The following CDH13 variants were observed in gnomAD, a reference collection of about 807,000 sequenced individuals.
The protein encoded by CDH13 is cadherin-13.
A neutral mutation model predicts 63.8 loss-of-function variants in CDH13; 24 were observed. The observed-to-expected ratio is 0.38, with a 90% confidence interval of 0.27 to 0.53. The LOEUF is 0.53. Among genes scored for constraint, CDH13 ranks in the 20% least tolerant of loss-of-function variants. CDH13 has a pLI of 0.85. For synonymous variants in CDH13, 503 were observed against 355.3 expected, an observed-to-expected ratio of 1.42 and a Z score of -4.67; for missense variants, 1,049 against 903.1, an observed-to-expected ratio of 1.16 and a Z score of -2.07.
At chr16:83,045,790 A>G (rs1402552291) in intron 3 of CDH13, among the ~76,000 whole-genome samples, 1 of 152,244 alleles carries the variant, frequency 6.6e-6, no homozygotes, top group Non-Finnish European at 1.5e-5. Context: ...GTAAAGAAAC[A>G]GGGGAAGAGG....
At chr16:82,727,303 C>T (rs547196364) in intron 1 of CDH13, among the ~76,000 whole-genome samples, 38 of 152,142 alleles carry the variant, frequency 2.5e-4, no homozygotes, top group Non-Finnish European at 2.2e-4. Flanking sequence ...GTGCCTTTAT[C>T]CTCTCCCATT....
At chr16:82,693,207 C>T (rs780610715) in intron 1 of CDH13, among the ~76,000 whole-genome samples, 1 of 152,168 alleles carries the variant, frequency 6.6e-6, no homozygotes, top group Non-Finnish European at 1.5e-5. Context: ...CCTTTTGAAG[C>T]ACCTTGAAGC....
chr16:82,729,220 A>G (rs1039893033), intron 1 of CDH13, among the ~76,000 whole-genome samples: 12 of 152,164 alleles, frequency 7.9e-5, no homozygotes, highest in African/African-American at 2.9e-4. Context: ...GAATATTTTT[A>G]ATGGCTTCTA....
chr16:83,054,496 C>G (rs77427913), intron 3 of CDH13, among the ~76,000 whole-genome samples: 2 of 152,122 alleles, frequency 1.3e-5, no homozygotes, highest in Non-Finnish European at 2.9e-5. Flanking sequence ...ATACACCGGA[C>G]AAAGCCATGA....
chr16:83,663,803 A>T (rs1333987370), intron 8 of CDH13, among the ~76,000 whole-genome samples: 1 of 152,180 alleles, frequency 6.6e-6, no homozygotes, highest in African/African-American at 2.4e-5. Flanking sequence ...TTAAAAATCA[A>T]GTCTCTGACA....
rs1179146532 is a variant in CDH13, at chr16:83,438,623, AC to A, written c.782-47853del. On this transcript the variant is annotated intron_variant, in intron 6 of 13. Coordinates refer to ENST00000567109, the MANE Select transcript of CDH13 (RefSeq NM_001257.5). Reference sequence around the variant, plus strand: ...GAGACATTATTTAAAAAGCAATAATACAAAATACCAAGAGCTATTCAGCTCT... The same window carrying A: ...GAGACATTATTTAAAAAGCAATAATAAAAATACCAAGAGCTATTCAGCTCT... Among the ~76,000 whole-genome samples the A allele has an allele frequency of 7.2e-5, 11 of 152,358 alleles. No individual in the cohort carries two copies. The East Asian group carries it at 1.2e-3, about 16-fold the overall frequency.
At chr16:83,707,638 A>G (rs537429118) in intron 10 of CDH13, among the ~76,000 whole-genome samples, 14 of 152,136 alleles carry the variant, frequency 9.2e-5, no homozygotes, top group South Asian at 2.1e-4. Context: ...TTCCTATAAG[A>G]CAGAGATCAG....
intron 1 of CDH13, among the ~76,000 whole-genome samples, chr16:82,636,491 G>A (rs1226904412): frequency 6.6e-6 from 1 of 152,206 alleles, no homozygotes. Context: ...AGATATTTGA[G>A]AGAAACATTG....
intron 4 of CDH13, among the ~76,000 whole-genome samples, chr16:83,204,695 T>G (rs190043970): frequency 6.6e-6 from 1 of 152,282 alleles, no homozygotes; most frequent in East Asian, 1.9e-4. Flanking sequence ...AGGTTAGGCT[T>G]TGGTGACAAG....
At chr16:83,453,931 T>C (rs8056220) in intron 6 of CDH13, among the ~76,000 whole-genome samples, 382 of 152,334 alleles carry the variant, frequency 2.5e-3, no homozygotes, top group African/African-American at 8.7e-3. Context: ...AATGGCATCA[T>C]GCTGTGCTCC....
At chr16:83,309,862 A>G (rs1473495221) in intron 5 of CDH13, among the ~76,000 whole-genome samples, 1 of 152,108 alleles carries the variant, frequency 6.6e-6, no homozygotes, top group East Asian at 1.9e-4. Context: ...CTTCCAGACA[A>G]ATGGCTGCTT....
intron 7 of CDH13, among the ~76,000 whole-genome samples, chr16:83,510,557 G>A (rs1445233996): frequency 6.6e-6 from 1 of 152,192 alleles, no homozygotes; most frequent in African/African-American, 2.4e-5. Flanking sequence ...CTGGGAATAA[G>A]GATATGTTAG....
At chr16:83,783,023 T>G (rs933463302) in intron 12 of CDH13, among the ~76,000 whole-genome samples, 3 of 152,192 alleles carry the variant, frequency 2.0e-5, no homozygotes, top group African/African-American at 7.2e-5. Context: ...GTGTTGTTCA[T>G]TACAGGAGCC....
At chr16:82,648,354 T>C (rs1393616605) in intron 1 of CDH13, among the ~76,000 whole-genome samples, 1 of 152,210 alleles carries the variant, frequency 6.6e-6, no homozygotes, top group East Asian at 1.9e-4. Context: ...ATAGTAATAA[T>C]AGCCAACGCT....
At chr16:82,849,983 T>C (rs1352717732) in intron 1 of CDH13, among the ~76,000 whole-genome samples, 1 of 152,210 alleles carries the variant, frequency 6.6e-6, no homozygotes, top group East Asian at 1.9e-4. Context: ...CATCCAAAAG[T>C]TTTAATGGAG....
chr16:83,040,534 G>A (rs1489273962), intron 3 of CDH13, among the ~76,000 whole-genome samples: 1 of 152,174 alleles, frequency 6.6e-6, no homozygotes, highest in Admixed American at 6.5e-5. Flanking sequence ...AGGCCAGGAA[G>A]CATCCAACAT....
At chr16:83,166,067 A>G (rs970035509) in intron 4 of CDH13, among the ~76,000 whole-genome samples, 5 of 152,138 alleles carry the variant, frequency 3.3e-5, no homozygotes, top group Non-Finnish European at 7.4e-5. Flanking sequence ...TCAGTCAGAA[A>G]GCATTTTGCC....
intron 10 of CDH13, among the ~76,000 whole-genome samples, chr16:83,679,400 G>A (rs1458407453): frequency 5.3e-5 from 8 of 152,262 alleles, no homozygotes; most frequent in East Asian, 1.9e-4. Flanking sequence ...CACTTAAAAC[G>A]AACATGTGTC....
At chr16:83,154,836 A>G (rs369914246) in intron 4 of CDH13, among the ~76,000 whole-genome samples, 28 of 152,314 alleles carry the variant, frequency 1.8e-4, no homozygotes, top group Non-Finnish European at 2.9e-4. Flanking sequence ...GTAAATGTTA[A>G]ATGATGTTAT....
Sources: allele counts gnomAD v4.1 joint callset (sites outside exome capture counted in the v4.1 genomes callset), GRCh38; gene constraint gnomAD v4.1.1; transcripts MANE v1.5; gene names NCBI Gene and HGNC (gene_info 2026-07-23, HGNC 2026-07-21).